The following FAIM2 variants were observed in gnomAD, a reference collection of about 807,000 sequenced individuals.
FAIM2 encodes Fas apoptotic inhibitory molecule 2, also known as protein lifeguard 2.
A neutral mutation model predicts 47.4 loss-of-function variants in FAIM2; 27 were observed. The observed-to-expected ratio is 0.57, with a 90% CI of 0.42 to 0.78. The LOEUF (loss-of-function observed/expected upper bound fraction) is 0.78. Ranked by LOEUF, FAIM2 falls within the 30% of genes least tolerant of loss-of-function variation. FAIM2 has a pLI of 0.00. For synonymous variants in FAIM2, 156 were observed against 159.3 expected, an observed-to-expected ratio of 0.98 and a Z score of 0.16; for missense variants, 311 against 389.4, an observed-to-expected ratio of 0.80 and a Z score of 1.69.
chr12:49,902,910 G>A (rs1322106015), intron 1 of FAIM2: 1 of 152,204 alleles, frequency 6.6e-6, no homozygotes, highest in Non-Finnish European at 1.5e-5. Context: ...TTGCATACAG[G>A]GAGAGGAGGG....
At chr12:49,884,552 C>T (rs1946847463) in intron 11 of FAIM2, among the ~76,000 whole-genome samples, 2 of 152,222 alleles carry the variant, frequency 1.3e-5, no homozygotes, top group African/African-American at 4.8e-5. Flanking sequence ...AGCCTCTCCC[C>T]AATTCCAAGC....
intron 8 of FAIM2, 95 bp downstream of exon 8, chr12:49,890,022 T>G: frequency 3.2e-6 from 4 of 1,264,304 alleles, no homozygotes; most frequent in Non-Finnish European, 4.6e-6. Context: ...ATCCACATGC[T>G]CCCATGTGTG....
intron 11 of FAIM2, among the ~76,000 whole-genome samples, chr12:49,884,413 A>T (rs925331799): frequency 6.6e-6 from 1 of 152,094 alleles, no homozygotes; most frequent in East Asian, 1.9e-4. Flanking sequence ...ATGTGGGTCA[A>T]GAGTGTTTTG....
intron 1 of FAIM2, among the ~76,000 whole-genome samples, chr12:49,903,468 G>A (rs1946995104): frequency 6.6e-6 from 1 of 152,254 alleles, no homozygotes; most frequent in Non-Finnish European, 1.5e-5. Flanking sequence ...CACACATACA[G>A]TCACACCAGA....
intron 7 of FAIM2, 114 bp from the exon 8 acceptor site, chr12:49,890,268 T>C: frequency 1.1e-6 from 1 of 901,010 alleles, no homozygotes; most frequent in Non-Finnish European, 1.8e-6. Flanking sequence ...ACTCTTTGTC[T>C]ATGTCACCCC....
rs1340685025 is a variant in FAIM2, at chr12:49,878,547, C to T, written c.802-7894G>A. ...CTGTGTATGTGCATGTGTATATGTG[C>T]GTGCATGTGTGAGTGTATATGTTCA... On this transcript the variant is annotated intron_variant, in intron 11 of 11. Coordinates refer to ENST00000320634, the MANE Select transcript of FAIM2 (RefSeq NM_012306.4). Among the ~76,000 whole-genome samples the T allele has an allele frequency of 1.6e-4, 10 of 63,034 alleles. 2 individuals are homozygous for T. The highest frequency in any genetic ancestry group is 2.7e-4 in the African/African-American group (3 of 11,082). 41.4% of individuals were successfully genotyped at this position (63,034 alleles called of 152,430 possible).
chr12:49,885,650 C>G (rs933879785), intron 11 of FAIM2, among the ~76,000 whole-genome samples: 2 of 152,160 alleles, frequency 1.3e-5, no homozygotes, highest in South Asian at 2.1e-4. Context: ...CTGGGGTAAG[C>G]TGACACTTTA....
intron 10 of FAIM2, among the ~76,000 whole-genome samples, chr12:49,888,039 G>A (rs1946873832): frequency 6.6e-6 from 1 of 152,184 alleles, no homozygotes; most frequent in Non-Finnish European, 1.5e-5. Context: ...CAGCTGTGGG[G>A]GAAACTCTGC....
Position 49,901,168 on chromosome 12 carries a change from G to T in FAIM2, c.173C>A (p.Ala58Glu). ...KAGAFPPAPT[A>E]VPLHPSWAYV... ...GGCCCAGCTAGGGTGGAGAGGCACCGCTGTGGGGGCTGGGGGGAAGGCCCC... is the reference window on the plus strand; with the variant it reads ...GGCCCAGCTAGGGTGGAGAGGCACCTCTGTGGGGGCTGGGGGGAAGGCCCC... Residue 58 changes from alanine (A) to glutamate (E), a missense_variant, in exon 2 of 12, where the codon GCG (alanine) becomes GAG (glutamate). Physicochemically the swap from Ala to Glu is moderately radical, Grantham distance 107. Coordinates refer to ENST00000320634, the MANE Select transcript of FAIM2 (RefSeq NM_012306.4). The T allele has an allele frequency of 6.2e-7, 1 of 1,606,776 alleles. No individual in the cohort carries two copies. Among genetic ancestry groups the T allele is most frequent in the Non-Finnish European group, 8.5e-7 (1 of 1,177,056 alleles).
At chr12:49,878,727 TGTGCATGTGA>T (rs1946768080) in intron 11 of FAIM2, among the ~76,000 whole-genome samples, 1 of 130,278 alleles carries the variant, frequency 7.7e-6, no homozygotes, top group African/African-American at 3.1e-5. Context: ...TGTGTGTCTG[TGTGCATGTGA>T]GTGTATATGC....
chr12:49,897,901 C>A, intron 3 of FAIM2, 86 bp downstream of exon 3: 1 of 1,027,936 alleles, frequency 9.7e-7, no homozygotes, highest in Non-Finnish European at 1.5e-6. Context: ...GGGATGGCTT[C>A]TGCAGGCAGA....
In FAIM2 at chr12:49,879,267, C is replaced by T. The variant is rs531110142; in HGVS notation, c.801+8119G>A. On this transcript the variant is annotated intron_variant, in intron 11 of 11. Coordinates refer to ENST00000320634, the MANE Select transcript of FAIM2 (RefSeq NM_012306.4). Reference sequence around the variant, plus strand: ...ATGTGTGTGCATGTGTGTATGTGTGCATGTGTATATGTGTGTATGTGTGTG... The same window carrying T: ...ATGTGTGTGCATGTGTGTATGTGTGTATGTGTATATGTGTGTATGTGTGTG... 7.0e-5 allele frequency among the ~76,000 whole-genome samples: 5 copies of T among 71,888 alleles called. 1 individual carries two copies. The highest frequency in any genetic ancestry group is 2.7e-4 in the African/African-American group (4 of 14,564). The allele number at this position is 71,888 out of a possible 152,430, so 47.2% of individuals were successfully genotyped here.
chr12:49,900,218 T>A (rs1946972820), intron 2 of FAIM2: 3 of 1,286,802 alleles, frequency 2.3e-6, no homozygotes, highest in African/African-American at 3.0e-5. Flanking sequence ...CCCAGGGGAT[T>A]TGTAGTGGGA....
chr12:49,887,333 G>T, intron 11 of FAIM2, 53 bp downstream of exon 11: 1 of 1,507,772 alleles, frequency 6.6e-7, no homozygotes, highest in Non-Finnish European at 9.1e-7. Context: ...GGGGACTGGG[G>T]TGATGGTCAG....
At chr12:49,887,302 G>T (rs1369129175) in intron 11 of FAIM2, 84 bp downstream of exon 11, 4 of 1,264,496 alleles carry the variant, frequency 3.2e-6, no homozygotes, top group Non-Finnish European at 4.5e-6. Context: ...GAAGAGGGCT[G>T]TGAGGAAGAT....
chr12:49,877,838 ATG>A (rs932085409), intron 11 of FAIM2, among the ~76,000 whole-genome samples: 2 of 149,816 alleles, frequency 1.3e-5, no homozygotes, highest in Non-Finnish European at 3.0e-5. Flanking sequence ...ATGTGCGTAT[ATG>A]TGTGTAGGTG....
rs1264793610 is a variant in FAIM2, at chr12:49,903,782, C to T, written c.11G>A (p.Gly4Glu). ...AGGCTGGGGAGATGCCGGTACCTTT[C>T]CCTGGGTCATGGTGCCGTCTCTCGG... MTQ[G>E]KLSVANKAPG... The change falls in exon 1 of 12, where the codon GGA (glycine) becomes GAA (glutamate). Residue 4 changes from glycine to glutamate, a missense_variant. Coordinates refer to ENST00000320634, the MANE Select transcript of FAIM2 (RefSeq NM_012306.4). 1.3e-6 allele frequency: 2 copies of T among 1,547,724 alleles called. No homozygotes were observed. The highest frequency in any genetic ancestry group is 2.0e-5 in the Admixed American group (1 of 50,742).
intron 9 of FAIM2, 46 bp from the exon 10 acceptor site, chr12:49,889,248 C>T: frequency 6.7e-7 from 1 of 1,492,566 alleles, no homozygotes; most frequent in Non-Finnish European, 9.2e-7. Flanking sequence ...CCTGACCTTC[C>T]TGGGGCCCCA....
At chr12:49,887,658 A>G (rs1565617080) in intron 10 of FAIM2, among the ~76,000 whole-genome samples, 3 of 150,988 alleles carry the variant, frequency 2.0e-5, no homozygotes, top group Non-Finnish European at 2.9e-5. Flanking sequence ...CTGGTGGGAG[A>G]ACTCCCCCGA....
Sources: gnomAD v4.1 joint callset for allele counts (sites outside exome capture counted in the v4.1 genomes callset) on GRCh38, gnomAD v4.1.1 for gene constraint, MANE v1.5 for transcripts, NCBI Gene and HGNC (gene_info 2026-07-23, HGNC 2026-07-21) for gene names.